The following SCNN1A variants were observed in gnomAD, a reference collection of about 807,000 sequenced individuals.
SCNN1A encodes the protein epithelial sodium channel subunit alpha.
SCNN1A carries 65 observed loss-of-function variants against 68.6 expected under a neutral mutation model. The ratio of observed to expected loss-of-function variants is 0.95; its 90% CI spans 0.78 to 1.16. The LOEUF (loss-of-function observed/expected upper bound fraction) is 1.16, where lower values mean the gene tolerates loss of function less well. Among genes scored for constraint, SCNN1A ranks in the 50% most tolerant of loss-of-function variants. SCNN1A has a pLI of 0.00. For synonymous variants in SCNN1A, 357 were observed against 353.3 expected (o/e 1.01, Z -0.12); for missense variants, 880 against 865.9 (o/e 1.02, Z -0.20).
chr12:6,356,151 C>G (rs1018778516), intron 4 of SCNN1A: 1 of 514,538 alleles, frequency 1.9e-6, no homozygotes, highest in Non-Finnish European at 3.5e-6. Context: ...AAACAGCTGG[C>G]CCAAGGTCAC....
chr12:6,352,265 G>A (rs552482324), intron 8 of SCNN1A, among the ~76,000 whole-genome samples: 1 of 152,102 alleles, frequency 6.6e-6, no homozygotes, highest in East Asian at 1.9e-4. Context: ...TGGAACTGTA[G>A]ATTCACCTCC....
intron 2 of SCNN1A, among the ~76,000 whole-genome samples, chr12:6,370,672 C>T (rs1212421285): frequency 6.6e-6 from 1 of 152,186 alleles, no homozygotes; most frequent in African/African-American, 2.4e-5. Flanking sequence ...TCCAGACTGC[C>T]CAGGGAATGC....
intron 4 of SCNN1A, among the ~76,000 whole-genome samples, chr12:6,356,828 G>A (rs949311445): frequency 5.3e-5 from 8 of 152,178 alleles, no homozygotes; most frequent in South Asian, 2.1e-4. Context: ...AGGGGACTTC[G>A]GCCAGTGAGC....
intron 2 of SCNN1A, among the ~76,000 whole-genome samples, chr12:6,371,540 G>GGGGTGA (rs1422013832): frequency 3.2e-5 from 4 of 125,874 alleles, no homozygotes; most frequent in Non-Finnish European, 6.8e-5. Flanking sequence ...GCGGGGGGTG[G>GGGGTGA]GGGTGAGGGT....
intron 8 of SCNN1A, among the ~76,000 whole-genome samples, chr12:6,352,427 G>T (rs1410470147): frequency 6.6e-6 from 1 of 152,100 alleles, no homozygotes; most frequent in Non-Finnish European, 1.5e-5. Context: ...CTCTTCTCCG[G>T]GGAAGTAAGC....
In SCNN1A at chr12:6,362,036, G is replaced by GTCTCCTGCAAC; in HGVS notation, c.875+14_875+15insGTTGCAGGAGA. 6.2e-7 allele frequency: 1 copy of GTCTCCTGCAAC among 1,613,736 alleles called. No homozygotes were observed. Among genetic ancestry groups the GTCTCCTGCAAC allele is most frequent in the Admixed American group, 1.7e-5 (1 of 60,034 alleles). Reference sequence around the variant, plus strand: ...GACCCCGCGGAGAGCAAGGAGCCAGGCAGGACTGACTCACGCCTGGTTGCA... The same window carrying GTCTCCTGCAAC: ...GACCCCGCGGAGAGCAAGGAGCCAGGTCTCCTGCAACCAGGACTGACTCACGCCTGGTTGCA... On this transcript the variant is annotated intron_variant, in intron 4 of 12. Coordinates refer to ENST00000228916, the MANE Select transcript of SCNN1A (RefSeq NM_001038.6).
At chr12:6,349,738 T>A in intron 8 of SCNN1A, 1 of 257,380 alleles carries the variant, frequency 3.9e-6, no homozygotes, top group Admixed American at 4.9e-5. Flanking sequence ...TAAATTAATT[T>A]TTTTTTTAGA....
In SCNN1A at chr12:6,348,165, A is replaced by C. The variant is rs764120076; in HGVS notation, c.1718T>G (p.Val573Gly). 1.9e-6 allele frequency: 3 copies of C among 1,613,996 alleles called. No homozygotes were observed. In the African/African-American group the frequency reaches 4.0e-5, roughly 22 times the overall value. Residue 573 changes from valine to glycine, a missense_variant, in exon 13 of 13, where the codon GTC becomes GGC. Physicochemically the swap from Val to Gly is moderately radical, Grantham distance 109. This residue lies in a region of SCNN1A where 758 missense variants were observed against 721.8 expected (regional missense o/e 1.05). Coordinates refer to ENST00000228916, the MANE Select transcript of SCNN1A (RefSeq NM_001038.6). ...VLSVVEMAEL[V>G]FDLLVIMFLM... ...GAACATGATGACCAGCAGGTCAAAG[A>C]CGAGCTCAGCCATCTCCACCACAGA...
At chr12:6,365,297 G>C (rs894744926) in intron 2 of SCNN1A, among the ~76,000 whole-genome samples, 4 of 152,158 alleles carry the variant, frequency 2.6e-5, no homozygotes, top group African/African-American at 9.7e-5. Context: ...GATTGCAGGC[G>C]TGAGCCACTC....
At chr12:6,368,032 C>T (rs1948710115) in intron 2 of SCNN1A, among the ~76,000 whole-genome samples, 2 of 152,170 alleles carry the variant, frequency 1.3e-5, no homozygotes, top group South Asian at 4.1e-4. Context: ...AAGAGACTTG[C>T]TCGTTATTTA....
At chr12:6,371,858 G>C (rs1045162490) in intron 2 of SCNN1A, among the ~76,000 whole-genome samples, 2 of 152,098 alleles carry the variant, frequency 1.3e-5, no homozygotes, top group African/African-American at 4.8e-5. Flanking sequence ...CTGGAATGCA[G>C]TGGCGTGATC....
chr12:6,376,546 C>T (rs1275496338), upstream of SCNN1A, among the ~76,000 whole-genome samples: 3 of 152,228 alleles, frequency 2.0e-5, no homozygotes, highest in South Asian at 2.1e-4. Context: ...GCATGGCACA[C>T]GCCTAGACAG....
intron 2 of SCNN1A, among the ~76,000 whole-genome samples, chr12:6,364,790 C>T (rs1477867669): frequency 6.6e-6 from 1 of 151,902 alleles, no homozygotes; most frequent in Non-Finnish European, 1.5e-5. Context: ...ATTGCATTTC[C>T]GTCTCAAAAA....
intron 4 of SCNN1A, among the ~76,000 whole-genome samples, chr12:6,357,698 G>T (rs944779164): frequency 6.6e-6 from 1 of 152,136 alleles, no homozygotes; most frequent in Non-Finnish European, 1.5e-5. Flanking sequence ...ATAATGTGAT[G>T]GTTAAGAGCA....
chr12:6,349,120 C>T, intron 10 of SCNN1A, 44 bp downstream of exon 10: 1 of 1,604,038 alleles, frequency 6.2e-7, no homozygotes, highest in Non-Finnish European at 8.5e-7. Flanking sequence ...CACAGCATTA[C>T]ATGGGCACAC....
chr12:6,350,836 AAAATAAATAATAAAT>A (rs1322867601), intron 8 of SCNN1A, among the ~76,000 whole-genome samples: 1 of 146,210 alleles, frequency 6.8e-6, no homozygotes, highest in African/African-American at 2.8e-5. Flanking sequence ...GAGTCTTCTC[AAAATAAATAATAAAT>A]AAATAAATAA....
chr12:6,355,452 A>G lies in SCNN1A; in HGVS notation c.980-17T>C, dbSNP rs768401898. ...GGGACAGACCTAGGGGTGCAGAGAG[A>G]GCAGAGTTGGCAGAGGCGGGAATCC... On this transcript the variant is annotated splice_polypyrimidine_tract_variant and intron_variant, in intron 5 of 12. Transcript: ENST00000228916. The G allele has an allele frequency of 1.0e-4, 169 of 1,613,290 alleles. No individual in the cohort carries two copies. Among genetic ancestry groups the G allele is most frequent in the Non-Finnish European group, 1.3e-4 (156 of 1,179,804 alleles).
At chr12:6,350,376 G>A (rs1280004998) in intron 8 of SCNN1A, among the ~76,000 whole-genome samples, 7 of 150,414 alleles carry the variant, frequency 4.7e-5, no homozygotes, top group African/African-American at 7.3e-5. Context: ...AGCTTGCAGT[G>A]AGCCGAGATC....
At position 6,363,302 on chromosome 12, in the gene SCNN1A, T is replaced by G. The variant is rs529796763; in HGVS notation, c.684+141A>C. On this transcript the variant is annotated intron_variant, in intron 3 of 12. Transcript: ENST00000228916. ...TTATTATTTGTATTTATTTACTTTTTTTTTTGCCCGCGAGCCCACGAGGCC... is the reference window on the plus strand; with the variant it reads ...TTATTATTTGTATTTATTTACTTTTGTTTTTGCCCGCGAGCCCACGAGGCC... The G allele has an allele frequency of 8.6e-5, 50 of 583,040 alleles. No individual in the cohort carries two copies. The African/African-American group carries it at 9.7e-4, about 11-fold the overall frequency. 36.1% of individuals were successfully genotyped at this position (583,040 alleles called of 1,614,324 possible).
Sources: gnomAD v4.1 joint callset for allele counts (sites outside exome capture counted in the v4.1 genomes callset) on GRCh38, gnomAD v4.1.1 for gene constraint, gnomAD v4.1.1 regional missense constraint, MANE v1.5 for transcripts, NCBI Gene and HGNC (gene_info 2026-07-23, HGNC 2026-07-21) for gene names.